The following SUPT3H variants were observed in gnomAD, a reference collection of about 807,000 sequenced individuals.
SUPT3H encodes SPT3 homolog, SAGA and STAGA complex component, also known as transcription initiation protein SPT3 homolog.
Under a neutral mutation model 44.3 loss-of-function variants are expected in SUPT3H, and 44 were observed. The observed-to-expected ratio is 0.99, with a 90% CI of 0.78 to 1.28. The LOEUF is 1.28. Ranked by LOEUF, SUPT3H falls within the 50% of genes most tolerant of loss-of-function variation. The pLI, the probability that SUPT3H is intolerant of heterozygous loss-of-function variation, is 0.00. For synonymous variants in SUPT3H, 124 were observed against 125.6 expected (o/e 0.99, Z 0.09); for missense variants, 380 against 387.1 (o/e 0.98, Z 0.15).
At chr6:45,304,433 T>C (rs1782672295) in intron 2 of SUPT3H, among the ~76,000 whole-genome samples, 2 of 152,166 alleles carry the variant, frequency 1.3e-5, no homozygotes, top group Admixed American at 6.5e-5. Flanking sequence ...ACTAAATATG[T>C]AATAAATTTT....
intron 7 of SUPT3H, among the ~76,000 whole-genome samples, chr6:44,959,242 G>C (rs1455458784): frequency 6.6e-6 from 1 of 151,948 alleles, no homozygotes; most frequent in Non-Finnish European, 1.5e-5. Context: ...TCAAAAAAAA[G>C]ATAGCAACTG....
intron 11 of SUPT3H, among the ~76,000 whole-genome samples, chr6:44,810,937 TTTTACA>T (rs1766475847): frequency 6.6e-6 from 1 of 151,966 alleles, no homozygotes; most frequent in Non-Finnish European, 1.5e-5. Context: ...ATTAGAACAG[TTTTACA>T]TTTACTGAAT....
At chr6:44,860,351 G>A (rs1429023231) in intron 10 of SUPT3H, among the ~76,000 whole-genome samples, 1 of 152,130 alleles carries the variant, frequency 6.6e-6, no homozygotes, top group Non-Finnish European at 1.5e-5. Flanking sequence ...AAAAATGAGA[G>A]CTTGCAGCAG....
At chr6:44,985,249 T>C (rs559812625) in intron 6 of SUPT3H, among the ~76,000 whole-genome samples, 4 of 136,856 alleles carry the variant, frequency 2.9e-5, no homozygotes, top group South Asian at 2.4e-4. Context: ...ATAAATAAAA[T>C]AGCCAGGCAT....
intron 10 of SUPT3H, among the ~76,000 whole-genome samples, chr6:44,843,904 AACACACAC>A (rs58737760): frequency 3.4e-5 from 4 of 118,548 alleles, no homozygotes; most frequent in African/African-American, 6.4e-5. Context: ...TGAACAGCCA[AACACACAC>A]ACACACACAC....
At chr6:45,205,821 A>G (rs907959544) in intron 2 of SUPT3H, among the ~76,000 whole-genome samples, 20 of 151,818 alleles carry the variant, frequency 1.3e-4, no homozygotes, top group African/African-American at 4.8e-4. Context: ...AAAAAAAAAA[A>G]CCAGTAAGCA....
At chr6:44,919,210 C>A (rs1342156120) in intron 10 of SUPT3H, among the ~76,000 whole-genome samples, 4 of 151,984 alleles carry the variant, frequency 2.6e-5, no homozygotes, top group African/African-American at 9.7e-5. Context: ...TAGCTTCTCA[C>A]AGAGATAAAA....
Position 45,095,535 on chromosome 6 carries a change from A to G in SUPT3H, c.186+10387T>C, listed in dbSNP as rs1797681291. On this transcript the variant is annotated intron_variant, in intron 3 of 10. Transcript: ENST00000371459. This position sits in a 1 kb window ranked among gnomAD's most constrained non-coding sequence, Gnocchi z 4.1. ...TTATTACTTTTCATAATTAAGGAGA[A>G]TTAGCTAAACATGATAAATTGGTTC... is the stretch of plus-strand genomic sequence containing the variant. 6.6e-6 allele frequency among the ~76,000 whole-genome samples: 1 copy of G among 152,174 alleles called. No individual in the cohort carries two copies. The highest frequency in any genetic ancestry group is 2.1e-4 in the South Asian group (1 of 4,824).
At chr6:44,958,274 T>C (rs1775508961) in intron 7 of SUPT3H, among the ~76,000 whole-genome samples, 1 of 152,218 alleles carries the variant, frequency 6.6e-6, no homozygotes, top group Non-Finnish European at 1.5e-5. Flanking sequence ...ATCTTTCTTA[T>C]CAATGATCAC....
chr6:45,021,460 C>A (rs974231687), intron 3 of SUPT3H, among the ~76,000 whole-genome samples: 1 of 151,658 alleles, frequency 6.6e-6, no homozygotes, highest in African/African-American at 2.4e-5. Flanking sequence ...ACATAAAATA[C>A]GCCCATCTGA....
intron 10 of SUPT3H, among the ~76,000 whole-genome samples, chr6:44,852,200 G>T (rs555795785): frequency 2.6e-5 from 4 of 152,252 alleles, no homozygotes; most frequent in South Asian, 4.1e-4. Context: ...TTAGGCAAAT[G>T]GGCACCTGAG....
chr6:45,041,206 A>G (rs1256863042), intron 3 of SUPT3H, among the ~76,000 whole-genome samples: 3 of 152,184 alleles, frequency 2.0e-5, no homozygotes, highest in Non-Finnish European at 4.4e-5. Flanking sequence ...AAGTCATAAT[A>G]AGTAAAATAA....
At chr6:44,906,066 C>G (rs1444791243) in intron 10 of SUPT3H, among the ~76,000 whole-genome samples, 1 of 152,032 alleles carries the variant, frequency 6.6e-6, no homozygotes, top group Non-Finnish European at 1.5e-5. Flanking sequence ...GGAGATATAC[C>G]TAATGTTAAA....
chr6:45,005,010 G>A (rs761315595), intron 5 of SUPT3H, among the ~76,000 whole-genome samples: 18 of 152,104 alleles, frequency 1.2e-4, no homozygotes, highest in Non-Finnish European at 8.8e-5. Context: ...CATCCATATG[G>A]CATTCTGTAT....
intron 2 of SUPT3H, among the ~76,000 whole-genome samples, chr6:45,248,740 C>T (rs1008630761): frequency 1.3e-5 from 2 of 151,932 alleles, no homozygotes; most frequent in African/African-American, 4.8e-5. Context: ...CATGGTGAAA[C>T]CCAGTCTCTA....
chr6:44,948,272 A>C (rs533298196), intron 9 of SUPT3H, among the ~76,000 whole-genome samples: 1 of 152,326 alleles, frequency 6.6e-6, no homozygotes, highest in East Asian at 1.9e-4. Context: ...TATTAGACCT[A>C]AAACCATAAA....
intron 9 of SUPT3H, 126 bp downstream of exon 9, chr6:44,953,184 G>A (rs958032326): frequency 7.2e-6 from 5 of 696,378 alleles, no homozygotes; most frequent in Admixed American, 4.8e-5. Flanking sequence ...AATGTCTAAT[G>A]TATTAAGATT....
At chr6:45,114,275 A>T (rs1038961673) in intron 2 of SUPT3H, among the ~76,000 whole-genome samples, 2 of 152,106 alleles carry the variant, frequency 1.3e-5, no homozygotes, top group African/African-American at 4.8e-5. Context: ...CAAAACAGAC[A>T]AAAAAATGAG....
At chr6:44,870,842 C>A (rs1334552989) in intron 10 of SUPT3H, among the ~76,000 whole-genome samples, 2 of 151,648 alleles carry the variant, frequency 1.3e-5, no homozygotes, top group African/African-American at 4.8e-5. Flanking sequence ...CTGGGAAGCG[C>A]AAGGGGTCAG....
Sources: allele counts gnomAD v4.1 joint callset (sites outside exome capture counted in the v4.1 genomes callset), GRCh38; gene constraint gnomAD v4.1.1; non-coding constraint Gnocchi (gnomAD v3.1); transcripts MANE v1.5; gene names NCBI Gene and HGNC (gene_info 2026-07-23, HGNC 2026-07-21).